MYO16: variants seen among roughly 807,000 people sequenced by gnomAD.
The protein encoded by MYO16 is unconventional myosin-XVI.
Under a neutral mutation model 205.3 loss-of-function variants are expected in MYO16, and 94 were observed. The observed-to-expected ratio is 0.46, with a 90% CI of 0.39 to 0.54. The LOEUF is 0.54. Among genes scored for constraint, MYO16 ranks in the 20% least tolerant of loss-of-function variants. The pLI, the probability that MYO16 is intolerant of heterozygous loss-of-function variation, is 0.00. For missense variants in MYO16, 2,315 were observed against 2,387.5 expected, an observed-to-expected ratio of 0.97 and a Z score of 0.63; for synonymous variants, 988 against 954.0, an observed-to-expected ratio of 1.04 and a Z score of -0.66.
At chr13:108,783,467 A>C (rs2138916879) in intron 4 of MYO16, among the ~76,000 whole-genome samples, 1 of 152,284 alleles carries the variant, frequency 6.6e-6, no homozygotes, top group East Asian at 1.9e-4. Flanking sequence ...GTCTCAGATG[A>C]AACTTTGGAC....
chr13:108,937,659 G>A (rs1249496034), intron 16 of MYO16, among the ~76,000 whole-genome samples: 1 of 152,136 alleles, frequency 6.6e-6, no homozygotes, highest in Non-Finnish European at 1.5e-5. Flanking sequence ...TATTGATAAA[G>A]CTTTCAGTTG....
At chr13:108,808,623 G>A (rs982485177) in intron 7 of MYO16, among the ~76,000 whole-genome samples, 1 of 151,992 alleles carries the variant, frequency 6.6e-6, no homozygotes, top group Non-Finnish European at 1.5e-5. Context: ...AGAAATGGAA[G>A]CTTCTATCCA....
the MYO16 span, among the ~76,000 whole-genome samples, chr13:108,501,680 T>C: frequency 6.6e-6 from 1 of 152,230 alleles, no homozygotes; most frequent in African/African-American, 2.4e-5. Flanking sequence ...AGTTCCAACC[T>C]TGGCCTGCTG....
rs970829862 is a variant in MYO16, at chr13:109,022,531, T to C, written c.2796+2620T>C. Among the ~76,000 whole-genome samples the C allele has an allele frequency of 5.3e-4, 69 of 130,848 alleles. 1 individual carries two copies. The highest frequency in any genetic ancestry group is 1.9e-3 in the African/African-American group (65 of 34,040). The allele number at this position is 130,848 out of a possible 152,430, so 85.8% of individuals were successfully genotyped here. Reference sequence around the variant, plus strand: ...ATGTATATATTTGTTATATATACAATATAAACATATGTATATATTTCTATA... The same window carrying C: ...ATGTATATATTTGTTATATATACAACATAAACATATGTATATATTTCTATA... On this transcript the variant is annotated intron_variant, in intron 23 of 34. Coordinates refer to ENST00000457511, the MANE Select transcript of MYO16 (RefSeq NM_001198950.3).
chr13:108,650,414 C>T (rs1249475232), intron 1 of MYO16, among the ~76,000 whole-genome samples: 1 of 152,174 alleles, frequency 6.6e-6, no homozygotes, highest in East Asian at 1.9e-4. Context: ...AGGAGGGAAT[C>T]CTGTCTGAGA....
chr13:108,723,235 C>G lies in MYO16; in HGVS notation c.364-4205C>G, dbSNP rs758947766. 2.9e-4 allele frequency among the ~76,000 whole-genome samples: 37 copies of G among 126,830 alleles called. 1 individual carries two copies. The highest frequency in any genetic ancestry group is 1.4e-3 in the Admixed American group (16 of 11,444). 83.2% of individuals were successfully genotyped at this position (126,830 alleles called of 152,430 possible). A position where few individuals can be genotyped will look rare whatever the true frequency, so the allele number is the denominator to read the frequency against. Reference sequence around the variant, plus strand: ...TTTGAAATACTGAATTTTGAGAGTTCTTTGTATATTCTTGATAAATGTCTT... The same window carrying G: ...TTTGAAATACTGAATTTTGAGAGTTGTTTGTATATTCTTGATAAATGTCTT... On this transcript the variant is annotated intron_variant, in intron 3 of 34. Coordinates refer to ENST00000457511, the MANE Select transcript of MYO16 (RefSeq NM_001198950.3).
At chr13:108,715,723 G>T (rs1200917357) in intron 3 of MYO16, among the ~76,000 whole-genome samples, 1 of 152,208 alleles carries the variant, frequency 6.6e-6, no homozygotes, top group Admixed American at 6.5e-5. Flanking sequence ...GGGATAAGCA[G>T]ATGATAGCGA....
At chr13:108,708,811 C>G (rs1186705588) in intron 2 of MYO16, among the ~76,000 whole-genome samples, 1 of 152,044 alleles carries the variant, frequency 6.6e-6, no homozygotes, top group East Asian at 1.9e-4. Context: ...TCTAGAAACA[C>G]AAAATAAATG....
Position 109,049,848 on chromosome 13 carries a change from A to G in MYO16, c.2873-2452A>G, listed in dbSNP as rs868415697. The stretch of plus-strand genomic sequence containing the variant: ...TCCTCTTCCCAGATTCATTTTTTTC[A>G]TTACCTTTCTTTTACCCTCTTGCTA... On this transcript the variant is annotated intron_variant, in intron 24 of 34. Coordinates refer to ENST00000457511, the MANE Select transcript of MYO16 (RefSeq NM_001198950.3). Among the ~76,000 whole-genome samples, 12 of 145,124 alleles carry G rather than the reference A, an allele frequency of 8.3e-5. No individual in the cohort carries two copies. The Middle Eastern group carries it at 0.015, about 182-fold the overall frequency.
At chr13:109,128,529 A>G (rs559855958) in intron 31 of MYO16, among the ~76,000 whole-genome samples, 1 of 152,280 alleles carries the variant, frequency 6.6e-6, no homozygotes, top group South Asian at 2.1e-4. Flanking sequence ...GACTGACACC[A>G]AGAAGATAAT....
At chr13:108,755,449 A>G (rs1885390962) in intron 4 of MYO16, among the ~76,000 whole-genome samples, 1 of 152,074 alleles carries the variant, frequency 6.6e-6, no homozygotes, top group African/African-American at 2.4e-5. Flanking sequence ...CCTTACTACC[A>G]GTATATTTTT....
intron 33 of MYO16, chr13:109,167,293 C>G (rs937727814): frequency 6.6e-6 from 1 of 151,730 alleles, no homozygotes; most frequent in Admixed American, 6.6e-5. Flanking sequence ...TGAACTAGCA[C>G]ATGGATGAAG....
At chr13:109,151,054 C>T (rs1055490345) in intron 32 of MYO16, among the ~76,000 whole-genome samples, 1 of 152,250 alleles carries the variant, frequency 6.6e-6, no homozygotes, top group Non-Finnish European at 1.5e-5. Flanking sequence ...TGCTCTTTCT[C>T]TCCTGAAGAG....
intron 2 of MYO16, among the ~76,000 whole-genome samples, chr13:108,680,108 G>A (rs1882399952): frequency 6.6e-6 from 1 of 152,150 alleles, no homozygotes; most frequent in Admixed American, 6.6e-5. Context: ...GTCCCACAGT[G>A]CCTGGAGCTG....
intron 9 of MYO16, among the ~76,000 whole-genome samples, chr13:108,833,086 A>G (rs1343209482): frequency 6.6e-6 from 1 of 152,108 alleles, no homozygotes; most frequent in Non-Finnish European, 1.5e-5. Context: ...TAATTTCCAG[A>G]TTTTCCCTTA....
At chr13:108,937,377 T>C (rs973256700) in intron 16 of MYO16, among the ~76,000 whole-genome samples, 1 of 152,140 alleles carries the variant, frequency 6.6e-6, no homozygotes, top group Admixed American at 6.5e-5. Flanking sequence ...TCTCACAGGT[T>C]TTCTCTAGAT....
intron 20 of MYO16, among the ~76,000 whole-genome samples, chr13:108,982,248 C>T (rs959584855): frequency 6.6e-6 from 1 of 152,230 alleles, no homozygotes; most frequent in Non-Finnish European, 1.5e-5. Context: ...TGCCATGAGG[C>T]AGGGGCGTGG....
At chr13:108,981,872 G>A (rs1040337010) in intron 20 of MYO16, among the ~76,000 whole-genome samples, 1 of 152,180 alleles carries the variant, frequency 6.6e-6, no homozygotes, top group African/African-American at 2.4e-5. Flanking sequence ...GGTCATTATT[G>A]AAAAGACAGC....
the MYO16 span, among the ~76,000 whole-genome samples, chr13:108,534,911 TCTC>T: frequency 6.7e-6 from 1 of 149,842 alleles, no homozygotes; most frequent in East Asian, 2.0e-4. Context: ...TCCTTCTTCT[TCTC>T]CTTCCTCTCT....
Sources: allele counts gnomAD v4.1 joint callset (sites outside exome capture counted in the v4.1 genomes callset), GRCh38; gene constraint gnomAD v4.1.1; transcripts MANE v1.5; gene names NCBI Gene and HGNC (gene_info 2026-07-23, HGNC 2026-07-21).